ZKSCAN4: variants seen among roughly 807,000 people sequenced by gnomAD.
ZKSCAN4 encodes zinc finger with KRAB and SCAN domains 4, also known as zinc finger protein with KRAB and SCAN domains 4.
In ZKSCAN4, 23 loss-of-function variants were observed where a neutral mutation model predicts 30.8. The ratio of observed to expected loss-of-function variants is 0.75; its 90% confidence interval spans 0.54 to 1.06. The LOEUF is 1.06. Among genes scored for constraint, ZKSCAN4 ranks in the 50% least tolerant of loss-of-function variants. ZKSCAN4 has a pLI of 0.00. For missense variants in ZKSCAN4, 556 were observed against 665.4 expected (o/e 0.84, Z 1.81); for synonymous variants, 208 against 252.5 (o/e 0.82, Z 1.67).
rs1760507811 is a variant in ZKSCAN4 at position 28,241,803 on chromosome 6, C to T, written c.*3313G>A. On this transcript the variant is annotated 3_prime_UTR_variant, in exon 5 of 5. Transcript: ENST00000377294. ...TAATCTCCATTTCTCTACCAGTTAG[C>T]AACATTTTCAGAGTTTTTACTTAGC... is the stretch of plus-strand genomic sequence containing the variant. Among the ~76,000 whole-genome samples, 1 of 152,104 alleles carries T rather than the reference C, an allele frequency of 6.6e-6. No homozygotes were observed. Among genetic ancestry groups the T allele is most frequent in the Non-Finnish European group, 1.5e-5 (1 of 67,998 alleles).
the ZKSCAN4 span, among the ~76,000 whole-genome samples, chr6:28,257,320 A>G: frequency 3.3e-5 from 5 of 152,256 alleles, no homozygotes; most frequent in South Asian, 1.0e-3. Context: ...GCATGTTCTC[A>G]TAAGTGGGAG....
At chr6:28,258,759 T>G in the ZKSCAN4 span, among the ~76,000 whole-genome samples, 2 of 87,302 alleles carry the variant, frequency 2.3e-5, no homozygotes, top group Non-Finnish European at 4.6e-5. Flanking sequence ...CAGAGTGAGA[T>G]CCTGTCTCCA....
rs777514084 is a variant in ZKSCAN4, at chr6:28,245,485, G to A, written c.1269C>T (p.His423=). ...ATGGCTTCTCCCCAGTATGAATTTTGTGATGTTCAAGGAGGCTGCAGCTCT... is the reference window on the plus strand; with the variant it reads ...ATGGCTTCTCCCCAGTATGAATTTTATGATGTTCAAGGAGGCTGCAGCTCT... ...FSQSCSLLEH[H]KIHTGEKPYQ... Residue 423 remains histidine, a synonymous_variant, in exon 5 of 5, where the codon CAC becomes CAT. Coordinates refer to ENST00000377294, the MANE Select transcript of ZKSCAN4 (RefSeq NM_019110.5). 2.5e-6 allele frequency: 4 copies of A among 1,614,100 alleles called. No homozygotes were observed. The highest frequency in any genetic ancestry group is 4.5e-5 in the East Asian group (2 of 44,874).
In ZKSCAN4 at chr6:28,249,554, C is replaced by G; in HGVS notation, c.571+133G>C. The G allele has an allele frequency of 1.9e-6, 2 of 1,079,982 alleles. No homozygotes were observed. The highest frequency in any genetic ancestry group is 2.5e-6 in the Non-Finnish European group (2 of 786,916). 66.9% of individuals were successfully genotyped at this position (1,079,982 alleles called of 1,614,324 possible). On this transcript the variant is annotated intron_variant, in intron 2 of 4. Coordinates refer to ENST00000377294, the MANE Select transcript of ZKSCAN4 (RefSeq NM_019110.5). This position sits in a 1 kb window ranked among gnomAD's most constrained non-coding sequence, Gnocchi z 4.1. The stretch of plus-strand genomic sequence containing the variant: ...TTTTTCACCATTGTTTGAAATTTCT[C>G]TTAGTCTCAGTCTTAAAATACAGCT...
chr6:28,253,463 T>C (rs1761090333), upstream of ZKSCAN4, among the ~76,000 whole-genome samples: 1 of 152,228 alleles, frequency 6.6e-6, no homozygotes, highest in Non-Finnish European at 1.5e-5. This position sits in a 1 kb window ranked among gnomAD's most constrained non-coding sequence, Gnocchi z 4.2. Flanking sequence ...ATCTTTCTCT[T>C]GATGAGCTAC....
the ZKSCAN4 span, among the ~76,000 whole-genome samples, chr6:28,259,146 T>G: frequency 1.3e-5 from 2 of 152,152 alleles, no homozygotes; most frequent in Non-Finnish European, 2.9e-5. Flanking sequence ...TTGGGGAATA[T>G]AAGTCCTAAA....
chr6:28,247,129 C>T (rs1198480057), intron 3 of ZKSCAN4, 37 bp from the exon 4 acceptor site: 1 of 1,533,572 alleles, frequency 6.5e-7, no homozygotes. Context: ...CTCCTCTTGC[C>T]CAAAATTACC....
Position 28,244,106 on chromosome 6 carries a change from G to A in ZKSCAN4, c.*1010C>T, listed in dbSNP as rs1377097738. ...TTATAAATATTTGTTATGAATCTTC[G>A]GACCTGGAGAAAGTTTAAGCTTAGC... On this transcript the variant is annotated 3_prime_UTR_variant, in exon 5 of 5. Transcript: ENST00000377294. 6.6e-6 allele frequency among the ~76,000 whole-genome samples: 1 copy of A among 152,096 alleles called. No individual in the cohort carries two copies. Among genetic ancestry groups the A allele is most frequent in the Non-Finnish European group, 1.5e-5 (1 of 68,026 alleles).
Position 28,244,298 on chromosome 6 carries a change from T to C in ZKSCAN4, c.*818A>G, listed in dbSNP as rs966582639. Among the ~76,000 whole-genome samples the C allele has an allele frequency of 6.6e-6, 1 of 152,204 alleles. No individual in the cohort carries two copies. The highest frequency in any genetic ancestry group is 6.5e-5 in the Admixed American group (1 of 15,280). ...AATCATTTTGATCTAACTCAGTAAG[T>C]TGATTTTTATTTACCTGAATGTGAA... On this transcript the variant is annotated 3_prime_UTR_variant, in exon 5 of 5. Coordinates refer to ENST00000377294, the MANE Select transcript of ZKSCAN4 (RefSeq NM_019110.5).
Position 28,248,058 on chromosome 6 carries a change from C to G in ZKSCAN4, c.654+9G>C. ...GGGGCGCTGGGGAGGGAGAGGAGCT[C>G]CAGCTCACCTGGGACCCTGGAGTGA... is the stretch of plus-strand genomic sequence containing the variant. On this transcript the variant is annotated intron_variant, in intron 3 of 4. Transcript: ENST00000377294. The G allele has an allele frequency of 6.8e-6, 11 of 1,607,738 alleles. No homozygotes were observed. The highest frequency in any genetic ancestry group is 9.4e-6 in the Non-Finnish European group (11 of 1,176,468).
rs769740358 is a variant in ZKSCAN4 at position 28,245,736 on chromosome 6, T to TCC, written c.1016_1017dup (p.Arg340GlyfsTer110). 17 of 1,614,264 alleles carry TCC rather than the reference T, an allele frequency of 1.1e-5. No homozygotes were observed. In the Admixed American group the frequency reaches 2.7e-4, roughly 25 times the overall value. ...TAGGGTTTCTCACCAGTGTGGATTC[T>TCC]CCTGTGTTTAGTCAGGCCTGAACTT... On this transcript the variant is annotated frameshift_variant, in exon 5 of 5. Transcript: ENST00000377294. LOFTEE classifies it low-confidence loss of function (END_TRUNC).
At chr6:28,253,643 A>T (rs1211620410), upstream of ZKSCAN4, among the ~76,000 whole-genome samples, 1 of 152,250 alleles carries the variant, frequency 6.6e-6, no homozygotes, top group Non-Finnish European at 1.5e-5. This position sits in a 1 kb window ranked among gnomAD's most constrained non-coding sequence, Gnocchi z 4.2. Flanking sequence ...CCTAGGCTGC[A>T]ACCAAGATCA....
rs775843588 is a variant in ZKSCAN4, at chr6:28,251,774, C to T, written c.207G>A (p.Glu69=). Residue 69 remains glutamate, a synonymous_variant, in exon 1 of 5, where the codon GAG becomes GAA. Coordinates refer to ENST00000377294, the MANE Select transcript of ZKSCAN4 (RefSeq NM_019110.5). This position sits in a 1 kb window ranked among gnomAD's most constrained non-coding sequence, Gnocchi z 4.5. ...AGAGTTCTCGGAGCCGGCTCAACGC[C>T]TCGCGGGGGCCCGCAGCCTCCGGGT... The part of the protein sequence containing the change: ...FRYPEAAGPR[E]ALSRLRELCG... 3 of 1,614,048 alleles carry T rather than the reference C, an allele frequency of 1.9e-6. No individual in the cohort carries two copies. The highest frequency in any genetic ancestry group is 1.7e-5 in the Admixed American group (1 of 60,012).
Position 28,245,972 on chromosome 6 carries a change from C to A in ZKSCAN4, c.782G>T (p.Gly261Val), listed in dbSNP as rs780473851. Residue 261 changes from glycine to valine, a missense_variant, in exon 5 of 5, where the codon GGT (glycine) becomes GTT (valine). Gly to Val is a moderately radical substitution (Grantham distance 109). This residue lies in a region of ZKSCAN4 where 433 missense variants were observed against 511.5 expected (regional missense o/e 0.85). Coordinates refer to ENST00000377294, the MANE Select transcript of ZKSCAN4 (RefSeq NM_019110.5). The part of the protein sequence containing the change: ...ENHSSLVSLG[G>V]EIQTKSRDLP... ...GTCCCTGCTCTTAGTCTGTATTTCA[C>A]CACCTGAAACAACAAATGGCCGGCA... is the stretch of plus-strand genomic sequence containing the variant. The A allele has an allele frequency of 1.9e-6, 3 of 1,614,138 alleles. No individual in the cohort carries two copies. The Admixed American group carries it at 5.0e-5, about 27-fold the overall frequency.
Position 28,251,915 on chromosome 6 carries a change from G to A in ZKSCAN4, c.66C>T (p.Leu22=). 6.5e-7 allele frequency: 1 copy of A among 1,530,772 alleles called. No individual in the cohort carries two copies. The highest frequency in any genetic ancestry group is 1.3e-5 in the South Asian group (1 of 76,154). The allele number at this position is 1,530,772 out of a possible 1,614,324, so 94.8% of individuals were successfully genotyped here. The change falls in exon 1 of 5, where the codon CTC becomes CTT. Residue 22 remains leucine (L), a synonymous_variant. Coordinates refer to ENST00000377294, the MANE Select transcript of ZKSCAN4 (RefSeq NM_019110.5). This position sits in a 1 kb window ranked among gnomAD's most constrained non-coding sequence, Gnocchi z 4.5. ...CCTCCTTCTCCACCTTCACGGTCAG[G>A]AGCCCCGTCTGGTCTTCTGCAGACT... ...DAQSAEDQTG[L]LTVKVEKEEA...
rs2113665137 is a variant in ZKSCAN4, at chr6:28,242,107, AGAAAT to A, written c.*3004_*3008del. Reference sequence around the variant, plus strand: ...AAGATTTCTGCGCTGCTTCAGTTACAGAAATGAAATAGAATGGCAGACTAGTCACC... The same window carrying A: ...AAGATTTCTGCGCTGCTTCAGTTACAGAAATAGAATGGCAGACTAGTCACC... On this transcript the variant is annotated 3_prime_UTR_variant, in exon 5 of 5. Transcript: ENST00000377294. Among the ~76,000 whole-genome samples, 1 of 152,354 alleles carries A rather than the reference AGAAAT, an allele frequency of 6.6e-6. No individual in the cohort carries two copies. The highest frequency in any genetic ancestry group is 1.9e-4 in the East Asian group (1 of 5,188).
chr6:28,244,989 T>C lies in ZKSCAN4; in HGVS notation c.*127A>G. On this transcript the variant is annotated 3_prime_UTR_variant, in exon 5 of 5. Transcript: ENST00000377294. Reference sequence around the variant, plus strand: ...CTCATCGTCTCAGCCAGACTACATTTTCTAATACCCGATGATGTATAGTGG... The same window carrying C: ...CTCATCGTCTCAGCCAGACTACATTCTCTAATACCCGATGATGTATAGTGG... 5 of 1,204,578 alleles carry C rather than the reference T, an allele frequency of 4.2e-6. No individual in the cohort carries two copies. The highest frequency in any genetic ancestry group is 6.1e-6 in the Non-Finnish European group (5 of 815,810). 74.6% of individuals were successfully genotyped at this position (1,204,578 alleles called of 1,614,324 possible). A position where few individuals can be genotyped will look rare whatever the true frequency, so the allele number is the denominator to read the frequency against.
At chr6:28,252,809 C>T (rs891724896), upstream of ZKSCAN4, among the ~76,000 whole-genome samples, 3 of 152,160 alleles carry the variant, frequency 2.0e-5, no homozygotes, top group Admixed American at 6.5e-5. Flanking sequence ...CCACTCACCA[C>T]TTTGCACATT....
At position 28,241,852 on chromosome 6, in the gene ZKSCAN4, C is replaced by A. The variant is rs1001968701; in HGVS notation, c.*3264G>T. On this transcript the variant is annotated 3_prime_UTR_variant, in exon 5 of 5. Coordinates refer to ENST00000377294, the MANE Select transcript of ZKSCAN4 (RefSeq NM_019110.5). ...GCACTTCTTATTTGTATAAGCAGAT[C>A]CTCAGAATCCTAGGAGTTAAGTTGT... 1.3e-5 allele frequency among the ~76,000 whole-genome samples: 2 copies of A among 152,060 alleles called. No individual in the cohort carries two copies. Among genetic ancestry groups the A allele is most frequent in the Non-Finnish European group, 2.9e-5 (2 of 67,992 alleles).
Sources: gnomAD v4.1 joint callset for allele counts (sites outside exome capture counted in the v4.1 genomes callset) on GRCh38, gnomAD v4.1.1 for gene constraint, gnomAD v4.1.1 regional missense constraint, Gnocchi (gnomAD v3.1) non-coding constraint, MANE v1.5 for transcripts, NCBI Gene and HGNC (gene_info 2026-07-23, HGNC 2026-07-21) for gene names.